The following TAFA2 variants were observed in gnomAD, a reference collection of about 807,000 sequenced individuals.
TAFA2 encodes the protein chemokine-like protein TAFA-2.
A neutral mutation model predicts 18.8 loss-of-function variants in TAFA2; 7 were observed. The ratio of observed to expected loss-of-function variants is 0.37; its 90% CI spans 0.21 to 0.70. The LOEUF (loss-of-function observed/expected upper bound fraction) is 0.70, where lower values mean the gene tolerates loss of function less well. Among genes scored for constraint, TAFA2 ranks in the 30% least tolerant of loss-of-function variants. TAFA2 has a pLI of 0.53. For synonymous variants in TAFA2, 60 were observed against 54.2 expected, an observed-to-expected ratio of 1.11 and a Z score of -0.47; for missense variants, 122 against 158.1, an observed-to-expected ratio of 0.77 and a Z score of 1.23.
intron 4 of TAFA2, among the ~76,000 whole-genome samples, chr12:61,724,780 T>TACACCA (rs1454518883): frequency 2.2e-4 from 22 of 100,900 alleles, no homozygotes; most frequent in Admixed American, 2.7e-4. Context: ...TGTGTGTGTG[T>TACACCA]GTGTGTGTGT....
chr12:61,734,316 A>G (rs1487619247), intron 4 of TAFA2, among the ~76,000 whole-genome samples: 2 of 146,902 alleles, frequency 1.4e-5, no homozygotes, highest in African/African-American at 2.5e-5. Context: ...TTGAACATTG[A>G]AAACACATGG....
intron 1 of TAFA2, among the ~76,000 whole-genome samples, chr12:61,991,291 C>A (rs529284342): frequency 1.3e-5 from 2 of 152,220 alleles, no homozygotes; most frequent in South Asian, 4.2e-4. Flanking sequence ...GTAAGTCTAC[C>A]TAAAGATGAG....
chr12:61,921,494 A>G, intron 1 of TAFA2, among the ~76,000 whole-genome samples: 1 of 152,114 alleles, frequency 6.6e-6, no homozygotes, highest in East Asian at 1.9e-4. Flanking sequence ...GAAATGGAAA[A>G]GGCTATGGCT....
intron 2 of TAFA2, among the ~76,000 whole-genome samples, chr12:61,829,846 G>C (rs996471620): frequency 6.6e-6 from 1 of 151,560 alleles, no homozygotes; most frequent in East Asian, 1.9e-4. Flanking sequence ...AGAACACAAA[G>C]TACAAAAAGA....
chr12:62,136,776 A>C (rs2136901809), intron 1 of TAFA2, among the ~76,000 whole-genome samples: 1 of 152,268 alleles, frequency 6.6e-6, no homozygotes, highest in East Asian at 1.9e-4. Flanking sequence ...TCGCATGCAG[A>C]GAGTGGTATT....
At chr12:62,116,060 CTGAAAAAAAA>C (rs1869950186) in intron 1 of TAFA2, among the ~76,000 whole-genome samples, 1 of 152,034 alleles carries the variant, frequency 6.6e-6, no homozygotes, top group Non-Finnish European at 1.5e-5. Context: ...TAGTCTGTTA[CTGAAAAAAAA>C]TGAAAATAAC....
chr12:62,044,685 A>C (rs1174979923), intron 1 of TAFA2, among the ~76,000 whole-genome samples: 1 of 152,150 alleles, frequency 6.6e-6, no homozygotes, highest in African/African-American at 2.4e-5. Context: ...CACGTGCCAA[A>C]CAACATGGGG....
At chr12:61,739,561 T>A (rs564499820) in intron 4 of TAFA2, among the ~76,000 whole-genome samples, 20 of 152,144 alleles carry the variant, frequency 1.3e-4, no homozygotes, top group African/African-American at 4.8e-4. Context: ...CTGAATAGGA[T>A]CTCCTTAGAC....
chr12:61,924,844 T>A (rs1474670566), intron 1 of TAFA2, among the ~76,000 whole-genome samples: 1 of 152,068 alleles, frequency 6.6e-6, no homozygotes, highest in East Asian at 1.9e-4. Flanking sequence ...AGGAGACCCA[T>A]CTCACATGCA....
intron 1 of TAFA2, chr12:62,023,896 C>A (rs1881229608): frequency 6.6e-6 from 1 of 152,136 alleles, no homozygotes; most frequent in Non-Finnish European, 1.5e-5. Flanking sequence ...CATCTTTATC[C>A]TCAGTTATGT....
At chr12:62,018,094 A>C (rs914077278) in intron 1 of TAFA2, among the ~76,000 whole-genome samples, 1 of 152,208 alleles carries the variant, frequency 6.6e-6, no homozygotes, top group African/African-American at 2.4e-5. Context: ...GAGAGATATG[A>C]TATAAGGTAC....
chr12:61,858,423 A>G lies in TAFA2; in HGVS notation c.106+8897T>C, dbSNP rs1412178222. 2.6e-5 allele frequency among the ~76,000 whole-genome samples: 4 copies of G among 152,252 alleles called. No individual in the cohort carries two copies. In the East Asian group the frequency reaches 5.8e-4, roughly 22 times the overall value. ...TAAATATTGAAAAAAATATTATTAC[A>G]TGTGAACAAAAATTATTTTTTATTA... On this transcript the variant is annotated intron_variant, in intron 2 of 4. Transcript: ENST00000416284.
intron 2 of TAFA2, among the ~76,000 whole-genome samples, chr12:61,769,265 T>C (rs1869922651): frequency 6.6e-6 from 1 of 151,242 alleles, no homozygotes; most frequent in Admixed American, 6.6e-5. Flanking sequence ...CCCACCCCGG[T>C]AGTCAAAGAC....
At chr12:62,109,922 A>C (rs1453116212) in intron 1 of TAFA2, among the ~76,000 whole-genome samples, 4 of 152,354 alleles carry the variant, frequency 2.6e-5, no homozygotes, top group Middle Eastern at 3.4e-3. Flanking sequence ...TGTCATCTGC[A>C]AACAGAGTGA....
intron 1 of TAFA2, among the ~76,000 whole-genome samples, chr12:61,983,409 TTTG>T (rs1215191270): frequency 6.6e-6 from 1 of 151,646 alleles, no homozygotes; most frequent in Non-Finnish European, 1.5e-5. Context: ...TTTGTTTTGT[TTTG>T]TTTTGTTTTG....
chr12:62,002,448 G>A (rs1880410154), intron 1 of TAFA2, among the ~76,000 whole-genome samples: 1 of 152,112 alleles, frequency 6.6e-6, no homozygotes, highest in Non-Finnish European at 1.5e-5. Context: ...AGCTACAAGT[G>A]AGGTGCACTC....
At chr12:61,724,751 ATGTGTGTGTGTGTG>A (rs71083953) in intron 4 of TAFA2, among the ~76,000 whole-genome samples, 64 of 114,692 alleles carry the variant, frequency 5.6e-4, no homozygotes, top group African/African-American at 7.7e-4. Flanking sequence ...TGGTATGTCT[ATGTGTGTGTGTGTG>A]TGTGTGTGTG....
At chr12:62,171,302 C>A (rs1176124214) in intron 1 of TAFA2, among the ~76,000 whole-genome samples, 1 of 152,130 alleles carries the variant, frequency 6.6e-6, no homozygotes, top group Non-Finnish European at 1.5e-5. Flanking sequence ...TTCCACTCTA[C>A]TAAAATTTTA....
At chr12:61,739,286 A>T (rs775709218) in intron 4 of TAFA2, among the ~76,000 whole-genome samples, 30 of 151,980 alleles carry the variant, frequency 2.0e-4, no homozygotes, top group Non-Finnish European at 3.8e-4. Context: ...TGTTGAGGTA[A>T]CATTGCACAG....
Sources: gnomAD v4.1 joint callset for allele counts (sites outside exome capture counted in the v4.1 genomes callset) on GRCh38, gnomAD v4.1.1 for gene constraint, MANE v1.5 for transcripts, NCBI Gene and HGNC (gene_info 2026-07-23, HGNC 2026-07-21) for gene names.